IL13RA1: variants seen among roughly 807,000 people sequenced by gnomAD.
IL13RA1 encodes interleukin 13 receptor subunit alpha 1.
A neutral mutation model predicts 33.8 loss-of-function variants in IL13RA1; 14 were observed. The ratio of observed to expected loss-of-function variants is 0.41; its 90% confidence interval spans 0.27 to 0.65. The LOEUF is 0.65. Ranked by LOEUF, IL13RA1 falls within the 30% of genes least tolerant of loss-of-function variation. IL13RA1 has a pLI of 0.28. For synonymous variants in IL13RA1, 116 were observed against 115.7 expected, an observed-to-expected ratio of 1.00 and a Z score of -0.02; for missense variants, 313 against 327.0, an observed-to-expected ratio of 0.96 and a Z score of 0.33.
At chrX:118,747,277 T>G (rs1384392223) in intron 3 of IL13RA1, among the ~76,000 whole-genome samples, 185 bp downstream of exon 3, 2 of 111,297 alleles carry the variant, frequency 1.8e-5, no homozygotes, top group African/African-American at 6.5e-5. Flanking sequence ...TGAAGAAGCT[T>G]ACAAACAACT....
chrX:118,744,762 A>G (rs753326518), intron 2 of IL13RA1, among the ~76,000 whole-genome samples: 17 of 111,977 alleles, frequency 1.5e-4, no homozygotes, highest in East Asian at 5.6e-4. Context: ...TTTGTGTACT[A>G]AAACTCCGTA....
intron 2 of IL13RA1, among the ~76,000 whole-genome samples, chrX:118,742,859 G>A (rs1345278918): frequency 9.0e-6 from 1 of 111,505 alleles, no homozygotes; most frequent in East Asian, 2.8e-4. Context: ...GTAATTGTTA[G>A]CTTTTATTAT....
downstream of IL13RA1, among the ~76,000 whole-genome samples, chrX:118,798,264 CTT>C (rs752337833): frequency 1.8e-3 from 198 of 110,919 alleles, no homozygotes; most frequent in African/African-American, 6.4e-3. Context: ...TTGTGGTTAA[CTT>C]ATGCACTGTA....
chrX:118,776,541 G>GTTTTTT (rs5903529), intron 10 of IL13RA1, 30 bp downstream of exon 10: 60 of 219,616 alleles, frequency 2.7e-4, no homozygotes, highest in Admixed American at 9.4e-4. Flanking sequence ...GGCTTGAAAT[G>GTTTTTT]TTTTTTTTTT....
intron 2 of IL13RA1, among the ~76,000 whole-genome samples, chrX:118,744,855 G>A (rs2017386054): frequency 8.9e-6 from 1 of 112,252 alleles, no homozygotes; most frequent in South Asian, 3.7e-4. Flanking sequence ...GTATTTGACT[G>A]TACAGTCTAA....
At chrX:118,739,306 A>G (rs1043145082) in intron 1 of IL13RA1, among the ~76,000 whole-genome samples, 1 of 111,806 alleles carries the variant, frequency 8.9e-6, no homozygotes, top group African/African-American at 3.3e-5. Flanking sequence ...ACTGTTAGAG[A>G]AACCTCAACT....
rs546951809 is a variant in IL13RA1, at chrX:118,733,674, C to T, written c.88+5948C>T. ...CTTTTGTTACCTACATTGTTGGTGT[C>T]ATATCCAAGAAATTGTTGCTGAATC... On this transcript the variant is annotated intron_variant, in intron 1 of 10. Transcript: ENST00000371666. Among the ~76,000 whole-genome samples the T allele has an allele frequency of 4.7e-4, 53 of 111,829 alleles. No individual in the cohort carries two copies. In the South Asian group the frequency reaches 0.019, roughly 40 times the overall value.
chrX:118,791,398 G>C (rs757128671), intron 10 of IL13RA1, among the ~76,000 whole-genome samples: 1 of 111,262 alleles, frequency 9.0e-6, no homozygotes, highest in African/African-American at 3.3e-5. Context: ...AGAAAATAAA[G>C]GTAATAAAGG....
chrX:118,727,798 C>A, intron 1 of IL13RA1, 72 bp downstream of exon 1: 1 of 481,154 alleles, frequency 2.1e-6, no homozygotes, highest in South Asian at 1.2e-4. Flanking sequence ...CTGAAAGGCC[C>A]CGGAGGTCAA....
chrX:118,803,510 A>G, the IL13RA1 span, among the ~76,000 whole-genome samples: 1 of 112,324 alleles, frequency 8.9e-6, no homozygotes, highest in Non-Finnish European at 1.9e-5. Context: ...CTGCAATACC[A>G]TTATCACACT....
In IL13RA1 at chrX:118,791,935, A is replaced by G. The variant is rs2495636; in HGVS notation, c.*81A>G. The G allele has an allele frequency of 0.2, 102,457 of 506,868 alleles. 8,579 individuals are homozygous for G. Among genetic ancestry groups the G allele is most frequent in the East Asian group, 0.44 (11,955 of 27,313 alleles). The allele number at this position is 506,868 out of a possible 1,213,427, so 41.8% of individuals were successfully genotyped here. The stretch of plus-strand genomic sequence containing the variant: ...CCATTTGTTATCTGGGAACTTATTA[A>G]ATGGAAACTGAAACTACTGCACCAT... On this transcript the variant is annotated 3_prime_UTR_variant, in exon 11 of 11. Transcript: ENST00000371666.
intron 6 of IL13RA1, among the ~76,000 whole-genome samples, chrX:118,763,654 AAAC>A (rs1404348095): frequency 1.8e-5 from 2 of 112,204 alleles, no homozygotes; most frequent in Admixed American, 9.5e-5. Context: ...TTTATTGAAA[AAAC>A]TAAGGCTCAG....
At chrX:118,801,031 C>T in the IL13RA1 span, among the ~76,000 whole-genome samples, 4 of 112,034 alleles carry the variant, frequency 3.6e-5, no homozygotes, top group South Asian at 1.5e-3. Flanking sequence ...CTCAAACAAT[C>T]CTCCCACTAT....
intron 2 of IL13RA1, among the ~76,000 whole-genome samples, chrX:118,745,593 G>C (rs747083011): frequency 8.9e-6 from 1 of 111,881 alleles, no homozygotes; most frequent in Non-Finnish European, 1.9e-5. Flanking sequence ...GGTTTTGGGG[G>C]TATCTCACAG....
chrX:118,785,893 T>A (rs2017911542), intron 10 of IL13RA1, among the ~76,000 whole-genome samples: 1 of 112,119 alleles, frequency 8.9e-6, no homozygotes, highest in African/African-American at 3.2e-5. Context: ...AATTCTTCTG[T>A]GAGTTTTGTC....
At chrX:118,804,995 C>G in the IL13RA1 span, among the ~76,000 whole-genome samples, 2 of 112,116 alleles carry the variant, frequency 1.8e-5, no homozygotes, top group African/African-American at 6.5e-5. Context: ...TCACCACATC[C>G]GGACAGTGAG....
At chrX:118,741,294 T>G in intron 2 of IL13RA1, 138 bp downstream of exon 2, 3 of 458,319 alleles carry the variant, frequency 6.5e-6, no homozygotes, top group Non-Finnish European at 1.1e-5. Context: ...TTGGGGAAAT[T>G]ATAGAAGCAA....
At chrX:118,752,873 G>A (rs555556268) in intron 4 of IL13RA1, among the ~76,000 whole-genome samples, 2 of 112,145 alleles carry the variant, frequency 1.8e-5, no homozygotes, top group African/African-American at 6.5e-5. Flanking sequence ...CTAAGAAGGG[G>A]CCAAAGAACT....
the IL13RA1 span, among the ~76,000 whole-genome samples, chrX:118,800,221 G>C: frequency 3.6e-5 from 4 of 111,227 alleles, no homozygotes; most frequent in South Asian, 1.5e-3. Context: ...GATGTGGGTG[G>C]GGCCAGATAA....
Sources: allele counts gnomAD v4.1 joint callset (sites outside exome capture counted in the v4.1 genomes callset), GRCh38; gene constraint gnomAD v4.1.1; transcripts MANE v1.5; gene names NCBI Gene and HGNC (gene_info 2026-07-23, HGNC 2026-07-21).